The following PALMD variants were observed in gnomAD, a reference collection of about 807,000 sequenced individuals.
PALMD encodes paralemmin-like protein.
A neutral mutation model predicts 56.2 loss-of-function variants in PALMD; 42 were observed. The observed-to-expected ratio is 0.75, with a 90% confidence interval of 0.58 to 0.97. The LOEUF is 0.97. PALMD is among the 50% of genes least tolerant of loss of function. The probability of loss-of-function intolerance (pLI) is 0.00; values close to 1 mark genes in which losing one functional copy is unlikely to be tolerated. For synonymous variants in PALMD, 242 were observed against 222.9 expected (o/e 1.09, Z -0.76); for missense variants, 660 against 643.8 (o/e 1.03, Z -0.27).
chr1:99,655,934 GCACACACA>G (rs1049909055), intron 1 of PALMD, among the ~76,000 whole-genome samples: 1 of 101,168 alleles, frequency 9.9e-6, no homozygotes, highest in Non-Finnish European at 2.2e-5. Context: ...TAACACACAC[GCACACACA>G]CACACATGCA....
chr1:99,655,324 ATGT>A (rs1282936855), intron 1 of PALMD, among the ~76,000 whole-genome samples: 3 of 152,150 alleles, frequency 2.0e-5, no homozygotes, highest in African/African-American at 7.2e-5. Context: ...AACTTAATAA[ATGT>A]TATTATTAAA....
At chr1:99,651,473 C>T (rs1473540293) in intron 1 of PALMD, among the ~76,000 whole-genome samples, 9 of 152,166 alleles carry the variant, frequency 5.9e-5, no homozygotes, top group Non-Finnish European at 1.2e-4. Context: ...GTGATTAAAA[C>T]AAATTAGAGA....
Position 99,667,648 on chromosome 1 carries a change from G to A in PALMD, c.133G>A (p.Ala45Thr), listed in dbSNP as rs1212833769. Residue 45 changes from alanine to threonine, a missense_variant, in exon 3 of 8, where the codon GCC becomes ACC. Ala to Thr is a moderately conservative substitution (Grantham distance 58, BLOSUM62 0). Coordinates refer to ENST00000263174, the MANE Select transcript of PALMD (RefSeq NM_017734.5). ...TTATGTTTCCTGACATCAGAAAAAG[G>A]CCTTGAGGGAGAAATGGCTTCTAGA... ...KLKHQHLKKKALREKWLLDGI... is the reference protein window; with the variant it reads ...KLKHQHLKKKTLREKWLLDGI... 1.2e-6 allele frequency: 2 copies of A among 1,613,006 alleles called. No homozygotes were observed. The highest frequency in any genetic ancestry group is 1.7e-6 in the Non-Finnish European group (2 of 1,179,166).
In PALMD at chr1:99,689,657, T is replaced by C; in HGVS notation, c.1397T>C (p.Ile466Thr). The C allele has an allele frequency of 1.9e-6, 3 of 1,613,648 alleles. No individual in the cohort carries two copies. Among genetic ancestry groups the C allele is most frequent in the Non-Finnish European group, 2.5e-6 (3 of 1,179,808 alleles). The change falls in exon 7 of 8, where the codon ATA becomes ACA. Residue 466 changes from isoleucine to threonine, a missense_variant. Ile to Thr is a moderately conservative substitution (Grantham distance 89). Transcript: ENST00000263174. The stretch of plus-strand genomic sequence containing the variant: ...GCAGAGAAACCGTCCTACCACCCCA[T>C]AGCTCCCCATAGTCAGGTGTACCAG... ...GEAEKPSYHP[I>T]APHSQVYQPA...
rs1652682511 is a variant in PALMD, at chr1:99,654,787, TTTGGTTGGTTGGTTGCTTGG to T, written c.46-7520_46-7501del. 2.0e-5 allele frequency among the ~76,000 whole-genome samples: 3 copies of T among 152,186 alleles called. No homozygotes were observed. The South Asian group carries it at 6.2e-4, about 32-fold the overall frequency. Reference sequence around the variant, plus strand: ...TTTCATCAAGGCATGTAGATTTTTGTTTGGTTGGTTGGTTGCTTGGTTGGTTGGTTGCTTGGTTGGTTGAT... The same window carrying T: ...TTTCATCAAGGCATGTAGATTTTTGTTTGGTTGGTTGCTTGGTTGGTTGAT... On this transcript the variant is annotated intron_variant, in intron 1 of 7. Coordinates refer to ENST00000263174, the MANE Select transcript of PALMD (RefSeq NM_017734.5).
Position 99,689,547 on chromosome 1 carries a change from T to A in PALMD, c.1287T>A (p.Asp429Glu). ...GYQQAEDSEE[D>E]KKFLTGYDGI... ...AGCAGGCAGAAGACAGTGAAGAAGA[T>A]AAGAAGTTTCTGACAGGATATGATG... is the stretch of plus-strand genomic sequence containing the variant. Residue 429 changes from aspartate (D) to glutamate (E), a missense_variant, in exon 7 of 8, where the codon GAT becomes GAA. Physicochemically the swap from Asp to Glu is conservative, Grantham distance 45. Coordinates refer to ENST00000263174, the MANE Select transcript of PALMD (RefSeq NM_017734.5). The A allele has an allele frequency of 6.2e-7, 1 of 1,613,720 alleles. No homozygotes were observed. The highest frequency in any genetic ancestry group is 8.5e-7 in the Non-Finnish European group (1 of 1,179,826).
chr1:99,665,467 T>G (rs1407311760), intron 2 of PALMD, among the ~76,000 whole-genome samples: 7 of 152,170 alleles, frequency 4.6e-5, no homozygotes, highest in Admixed American at 4.6e-4. Flanking sequence ...TATATTTAAG[T>G]TCAAAGAGTT....
chr1:99,692,259 G>A (rs986055647), intron 7 of PALMD, among the ~76,000 whole-genome samples: 1 of 151,930 alleles, frequency 6.6e-6, no homozygotes, highest in African/African-American at 2.4e-5. Context: ...TGAAGTGGTG[G>A]GGATCTCAGC....
chr1:99,662,419 T>C lies in PALMD; in HGVS notation c.126+20T>C, dbSNP rs1041603329. 1.5e-6 allele frequency: 2 copies of C among 1,308,970 alleles called. No individual in the cohort carries two copies. The highest frequency in any genetic ancestry group is 2.2e-6 in the Non-Finnish European group (2 of 919,176). The allele number at this position is 1,308,970 out of a possible 1,614,324, so 81.1% of individuals were successfully genotyped here. On this transcript the variant is annotated intron_variant, in intron 2 of 7. Transcript: ENST00000263174. Reference sequence around the variant, plus strand: ...TTGAAGGTAATTTATGGCTTTAATTTCATTTCAATGATTTTGTATTCAAAA... The same window carrying C: ...TTGAAGGTAATTTATGGCTTTAATTCCATTTCAATGATTTTGTATTCAAAA...
chr1:99,665,437 C>T (rs550277403), intron 2 of PALMD, among the ~76,000 whole-genome samples: 90 of 152,188 alleles, frequency 5.9e-4, no homozygotes, highest in African/African-American at 2.1e-3. Context: ...ATTTTGATTG[C>T]ACATCCAAAT....
At chr1:99,674,748 T>C (rs1653165077) in intron 3 of PALMD, among the ~76,000 whole-genome samples, 1 of 152,226 alleles carries the variant, frequency 6.6e-6, no homozygotes, top group East Asian at 1.9e-4. Context: ...CATAAATCTT[T>C]GGCTGTGCTG....
intron 1 of PALMD, among the ~76,000 whole-genome samples, chr1:99,657,216 C>T (rs1428006162): frequency 6.6e-6 from 1 of 152,184 alleles, no homozygotes; most frequent in African/African-American, 2.4e-5. Context: ...AACATTCCAA[C>T]TGCCTAGCAG....
In PALMD at chr1:99,691,089, T is replaced by A. The variant is rs982488978; in HGVS notation, c.1612+1217T>A. On this transcript the variant is annotated intron_variant, in intron 7 of 7. Transcript: ENST00000263174. ...CGTATACAACTTCCTCAATCAGAGT[T>A]GAGTGATATGTCTCACAATGGAAAG... Among the ~76,000 whole-genome samples, 6 of 152,170 alleles carry A rather than the reference T, an allele frequency of 3.9e-5. No homozygotes were observed. The East Asian group carries it at 1.2e-3, about 29-fold the overall frequency.
At chr1:99,670,872 T>C (rs907487149) in intron 3 of PALMD, among the ~76,000 whole-genome samples, 3 of 152,264 alleles carry the variant, frequency 2.0e-5, no homozygotes, top group African/African-American at 7.2e-5. Context: ...TCTTCTCAGA[T>C]GTTTGTAAAG....
chr1:99,648,682 T>C (rs1394388558), intron 1 of PALMD, among the ~76,000 whole-genome samples: 1 of 151,932 alleles, frequency 6.6e-6, no homozygotes, highest in African/African-American at 2.4e-5. Context: ...ACTTTTACAC[T>C]CTAGGATCTA....
intron 2 of PALMD, 117 bp from the exon 3 acceptor site, chr1:99,667,525 G>A (rs1652993377): frequency 1.2e-6 from 1 of 847,160 alleles, no homozygotes; most frequent in Admixed American, 2.2e-5. Flanking sequence ...GGCACTGACA[G>A]AAAATAATTC....
Position 99,667,656 on chromosome 1 carries a change from G to A in PALMD, c.141G>A (p.Arg47=), listed in dbSNP as rs771810242. The stretch of plus-strand genomic sequence containing the variant: ...CCTGACATCAGAAAAAGGCCTTGAG[G>A]GAGAAATGGCTTCTAGATGGAATCA... ...KHQHLKKKAL[R]EKWLLDGISS... Residue 47 remains arginine, a synonymous_variant, in exon 3 of 8, where the codon AGG becomes AGA. Coordinates refer to ENST00000263174, the MANE Select transcript of PALMD (RefSeq NM_017734.5). 6.2e-7 allele frequency: 1 copy of A among 1,613,198 alleles called. No homozygotes were observed. Among genetic ancestry groups the A allele is most frequent in the Non-Finnish European group, 8.5e-7 (1 of 1,179,352 alleles).
At chr1:99,675,844 C>CA (rs1186458082) in intron 3 of PALMD, among the ~76,000 whole-genome samples, 1 of 152,158 alleles carries the variant, frequency 6.6e-6, no homozygotes, top group Non-Finnish European at 1.5e-5. Flanking sequence ...AAATCACTCT[C>CA]TTCTAACGTT....
chr1:99,692,154 G>A (rs917154347), intron 7 of PALMD, among the ~76,000 whole-genome samples: 21 of 152,158 alleles, frequency 1.4e-4, no homozygotes, highest in African/African-American at 5.1e-4. Context: ...CCAATCAGGG[G>A]GTAGTAGTTG....
Sources: gnomAD v4.1 joint callset for allele counts (sites outside exome capture counted in the v4.1 genomes callset) on GRCh38, gnomAD v4.1.1 for gene constraint, MANE v1.5 for transcripts, NCBI Gene and HGNC (gene_info 2026-07-23, HGNC 2026-07-21) for gene names.